HERC6: variants seen among roughly 807,000 people sequenced by gnomAD.
HERC6 encodes probable E3 ubiquitin-protein ligase HERC6.
A neutral mutation model predicts 114.5 loss-of-function variants in HERC6; 101 were observed. That is an observed-to-expected ratio of 0.88 (90% CI 0.75 to 1.04). The LOEUF (loss-of-function observed/expected upper bound fraction) is 1.04, where lower values mean the gene tolerates loss of function less well. HERC6 is among the 50% of genes least tolerant of loss of function. The probability of loss-of-function intolerance (pLI) is 0.00; values close to 1 mark genes in which losing one functional copy is unlikely to be tolerated. For synonymous variants in HERC6, 408 were observed against 436.2 expected, an observed-to-expected ratio of 0.94 and a Z score of 0.81; for missense variants, 1,133 against 1,230.9, an observed-to-expected ratio of 0.92 and a Z score of 1.19.
chr4:88,441,917 T>C (rs1739392239), intron 22 of HERC6, among the ~76,000 whole-genome samples: 1 of 152,224 alleles, frequency 6.6e-6, no homozygotes, highest in Non-Finnish European at 1.5e-5. Flanking sequence ...GTGAAGTCTC[T>C]CTGACCACTC....
intron 4 of HERC6, among the ~76,000 whole-genome samples, chr4:88,392,354 C>G (rs1290315010): frequency 6.6e-6 from 1 of 150,946 alleles, no homozygotes; most frequent in Non-Finnish European, 1.5e-5. Context: ...GGTCTTGAAG[C>G]TTAGCTTTCT....
At chr4:88,389,308 A>G (rs2110237681) in intron 3 of HERC6, among the ~76,000 whole-genome samples, 1 of 152,272 alleles carries the variant, frequency 6.6e-6, no homozygotes, top group East Asian at 1.9e-4. Flanking sequence ...GTGAGACAGC[A>G]AGCTCCTGAA....
At chr4:88,403,409 G>C (rs934291757) in intron 8 of HERC6, among the ~76,000 whole-genome samples, 1 of 152,144 alleles carries the variant, frequency 6.6e-6, no homozygotes, top group African/African-American at 2.4e-5. Flanking sequence ...ACTAATTATT[G>C]AGTGCCTATT....
At position 88,405,631 on chromosome 4, in the gene HERC6, T is replaced by A; in HGVS notation, c.1274+18T>A. ...AAGAAAAGGTAATACTTACATAAGA[T>A]TTACCTTCATTTAAAACACTGGAAA... On this transcript the variant is annotated intron_variant, in intron 10 of 22. Transcript: ENST00000264346. 7.8e-7 allele frequency: 1 copy of A among 1,278,418 alleles called. No homozygotes were observed. Among genetic ancestry groups the A allele is most frequent in the African/African-American group, 1.5e-5 (1 of 66,968 alleles). The allele number at this position is 1,278,418 out of a possible 1,614,324, so 79.2% of individuals were successfully genotyped here.
At chr4:88,423,751 G>T in intron 13 of HERC6, 109 bp from the exon 14 acceptor site, 4 of 447,646 alleles carry the variant, frequency 8.9e-6, no homozygotes, top group South Asian at 8.1e-5. Flanking sequence ...TCAGTTTAGA[G>T]AGCTTTCTTC....
In HERC6 at chr4:88,390,669, TG is replaced by T. The variant is rs1560535932; in HGVS notation, c.458del (p.Gly153GlufsTer23). 6.2e-7 allele frequency: 1 copy of T among 1,602,970 alleles called. No homozygotes were observed. Among genetic ancestry groups the T allele is most frequent in the Admixed American group, 1.7e-5 (1 of 59,502 alleles). On this transcript the variant is annotated frameshift_variant, in exon 4 of 23. Coordinates refer to ENST00000264346, the MANE Select transcript of HERC6 (RefSeq NM_017912.4). LOFTEE classifies it high-confidence loss of function. ...TGTTGTAGATAGCCAAGTGTTTTCGTGGGGAAAGAACAGCCATGGGCAGCTG... is the reference window on the plus strand; with the variant it reads ...TGTTGTAGATAGCCAAGTGTTTTCGTGGGAAAGAACAGCCATGGGCAGCTG... The part of the protein sequence containing the change: ...ALSKDSQVFS[W>X]GKNSHGQLGL...
intron 8 of HERC6, among the ~76,000 whole-genome samples, chr4:88,404,193 CTTTTT>C (rs202005015): frequency 7.3e-6 from 1 of 137,142 alleles, no homozygotes. Flanking sequence ...AATTTCATTT[CTTTTT>C]TTTTTTTTTT....
In HERC6 at chr4:88,442,624, A is replaced by C; in HGVS notation, c.*164A>C. On this transcript the variant is annotated 3_prime_UTR_variant, in exon 23 of 23. Transcript: ENST00000264346. ...TGATGGTCAAAGGGTGCAAAATCTC[A>C]CACAAGACTGAGGCAGGAGAATAGG... 1 of 640,552 alleles carries C rather than the reference A, an allele frequency of 1.6e-6. No individual in the cohort carries two copies. 39.7% of individuals were successfully genotyped at this position (640,552 alleles called of 1,614,324 possible).
chr4:88,407,325 C>T (rs958747249), intron 10 of HERC6, among the ~76,000 whole-genome samples: 1 of 152,112 alleles, frequency 6.6e-6, no homozygotes, highest in African/African-American at 2.4e-5. Context: ...AAGTGATCCG[C>T]CCACCTCAGC....
chr4:88,400,313 C>T (rs563393237), intron 8 of HERC6, among the ~76,000 whole-genome samples: 13 of 152,262 alleles, frequency 8.5e-5, no homozygotes, highest in Admixed American at 5.2e-4. Context: ...GCCATCCTCT[C>T]GCCTCAGCCT....
At chr4:88,417,816 T>A (rs1205652585) in intron 13 of HERC6, among the ~76,000 whole-genome samples, 1 of 152,102 alleles carries the variant, frequency 6.6e-6, no homozygotes, top group Non-Finnish European at 1.5e-5. Flanking sequence ...AAAAGTACAC[T>A]GTGCTTGTAA....
In HERC6 at chr4:88,397,084, T is replaced by C; in HGVS notation, c.1024+97T>C. ...TTCAAAGGATCCTACAGAACTGTAG[T>C]TCCCCTAGTACTTTTATTTTTATTT... is the stretch of plus-strand genomic sequence containing the variant. On this transcript the variant is annotated intron_variant, in intron 7 of 22. Transcript: ENST00000264346. The C allele has an allele frequency of 3.0e-6, 3 of 1,010,104 alleles. No homozygotes were observed. In the East Asian group the frequency reaches 8.1e-5, roughly 27 times the overall value. The allele number at this position is 1,010,104 out of a possible 1,614,324, so 62.6% of individuals were successfully genotyped here.
intron 4 of HERC6, among the ~76,000 whole-genome samples, chr4:88,392,027 T>C (rs894248768): frequency 3.3e-5 from 1 of 30,442 alleles, no homozygotes; most frequent in Non-Finnish European, 5.7e-5. Flanking sequence ...CTCCCTCCCC[T>C]CCCCTTCTCT....
chr4:88,431,079 G>C, intron 16 of HERC6, 83 bp from the exon 17 acceptor site: 1 of 1,178,800 alleles, frequency 8.5e-7, no homozygotes, highest in Admixed American at 2.2e-5. Context: ...CTGCAAGAAT[G>C]GTCGTTAGAG....
At position 88,390,707 on chromosome 4, in the gene HERC6, G is replaced by T; in HGVS notation, c.492G>T (p.Lys164Asn). The change falls in exon 4 of 23, where the codon AAG (lysine) becomes AAT (asparagine). Residue 164 changes from lysine to asparagine, a missense_variant. Transcript: ENST00000264346. ...KNSHGQLGLG[K>N]EFPSQASPQR... Reference sequence around the variant, plus strand: ...GCCATGGGCAGCTGGGCTTGGGGAAGGAGTTCCCCTCCCAAGCCAGCCCGC... The same window carrying T: ...GCCATGGGCAGCTGGGCTTGGGGAATGAGTTCCCCTCCCAAGCCAGCCCGC... 4.3e-6 allele frequency: 7 copies of T among 1,613,930 alleles called. No individual in the cohort carries two copies. The highest frequency in any genetic ancestry group is 5.9e-6 in the Non-Finnish European group (7 of 1,179,900).
rs1249469170 is a variant in HERC6 at position 88,379,679 on chromosome 4, T to TATATA, written c.199+560_199+564dup. 2.4e-4 allele frequency among the ~76,000 whole-genome samples: 13 copies of TATATA among 53,242 alleles called. 1 individual carries two copies. Among genetic ancestry groups the TATATA allele is most frequent in the African/African-American group, 1.5e-3 (11 of 7,566 alleles). The allele number at this position is 53,242 out of a possible 152,430, so 34.9% of individuals were successfully genotyped here. A position where few individuals can be genotyped will look rare whatever the true frequency, so the allele number is the denominator to read the frequency against. The stretch of plus-strand genomic sequence containing the variant: ...TATATAAATATATATAATATATAAA[T>TATATA]ATATACAAATATATAATATATAAAT... On this transcript the variant is annotated intron_variant, in intron 1 of 22. Transcript: ENST00000264346.
chr4:88,411,220 G>C (rs888841254), intron 11 of HERC6, among the ~76,000 whole-genome samples: 6 of 152,094 alleles, frequency 3.9e-5, no homozygotes, highest in African/African-American at 1.4e-4. Flanking sequence ...AATTTGGGGT[G>C]CTGTTCCCGG....
In HERC6 at chr4:88,383,242, C is replaced by T; in HGVS notation, c.221C>T (p.Thr74Ile). 1 of 1,610,626 alleles carries T rather than the reference C, an allele frequency of 6.2e-7. No homozygotes were observed. The highest frequency in any genetic ancestry group is 2.2e-5 in the East Asian group (1 of 44,772). Residue 74 changes from threonine (T) to isoleucine (I), a missense_variant, in exon 2 of 23, where the codon ACC becomes ATC. Physicochemically the swap from Thr to Ile is moderately conservative, Grantham distance 89 (BLOSUM62 -1). Transcript: ENST00000264346. The stretch of plus-strand genomic sequence containing the variant: ...AAAGAACCAATTCAGGCATTGGAAA[C>T]CCTAATTGTTGATCTCGTGAGCTGC... ...ELPEPIQALETLIVDLVSCGK... is the reference protein window; with the variant it reads ...ELPEPIQALEILIVDLVSCGK...
At chr4:88,379,170 G>C (rs1221277048) in intron 1 of HERC6, 50 bp downstream of exon 1, 3 of 1,397,838 alleles carry the variant, frequency 2.1e-6, no homozygotes, top group Non-Finnish European at 1.9e-6. Flanking sequence ...GTACATGGGC[G>C]CGGGGGCTTG....
Sources: allele counts gnomAD v4.1 joint callset (sites outside exome capture counted in the v4.1 genomes callset), GRCh38; gene constraint gnomAD v4.1.1; transcripts MANE v1.5; gene names NCBI Gene and HGNC (gene_info 2026-07-23, HGNC 2026-07-21).